Variants in BTNL8 observed in about 807,000 individuals in gnomAD.
The protein encoded by BTNL8 is butyrophilin-like protein 8.
A neutral mutation model predicts 36.1 loss-of-function variants in BTNL8; 22 were observed. That is an observed-to-expected ratio of 0.61 (90% CI 0.44 to 0.87). BTNL8 has a LOEUF of 0.87. Among genes scored for constraint, BTNL8 ranks in the 40% least tolerant of loss-of-function variants. The pLI, the probability that BTNL8 is intolerant of heterozygous loss-of-function variation, is 0.00. For missense variants in BTNL8, 526 were observed against 616.9 expected (o/e 0.85, Z 1.56); for synonymous variants, 203 against 235.6 (o/e 0.86, Z 1.27).
rs892249541 is a variant in BTNL8, at chr5:180,950,664, G to A, written c.*120G>A. The A allele has an allele frequency of 1.9e-6, 2 of 1,046,150 alleles. No homozygotes were observed. The highest frequency in any genetic ancestry group is 2.7e-6 in the Non-Finnish European group (2 of 735,584). 64.8% of individuals were successfully genotyped at this position (1,046,150 alleles called of 1,614,324 possible). A position where few individuals can be genotyped will look rare whatever the true frequency, so the allele number is the denominator to read the frequency against. On this transcript the variant is annotated 3_prime_UTR_variant, in exon 8 of 8. Transcript: ENST00000340184. Reference sequence around the variant, plus strand: ...AAGGGGGACTGGCCTGTCCACATGGGAGTCAGGTGTCATGGCTGCCCTGAG... The same window carrying A: ...AAGGGGGACTGGCCTGTCCACATGGAAGTCAGGTGTCATGGCTGCCCTGAG...
chr5:180,901,497 G>A (rs1756820734), intron 1 of BTNL8, among the ~76,000 whole-genome samples: 1 of 152,170 alleles, frequency 6.6e-6, no homozygotes, highest in African/African-American at 2.4e-5. Context: ...TTAAACAGAT[G>A]AGCAAGTAAG....
At chr5:180,901,869 G>A (rs188591660) in intron 1 of BTNL8, among the ~76,000 whole-genome samples, 11 of 152,268 alleles carry the variant, frequency 7.2e-5, no homozygotes, top group African/African-American at 1.7e-4. Flanking sequence ...TAAGTCACAC[G>A]TGAACGTGCT....
intron 3 of BTNL8, among the ~76,000 whole-genome samples, chr5:180,926,358 C>T (rs370768578): frequency 2.7e-4 from 41 of 152,326 alleles, no homozygotes; most frequent in East Asian, 2.1e-3. Context: ...TGGGTGCCTA[C>T]ACCACCCGGG....
chr5:180,928,241 A>T (rs761262078), intron 3 of BTNL8, among the ~76,000 whole-genome samples: 1 of 152,224 alleles, frequency 6.6e-6, no homozygotes, highest in Non-Finnish European at 1.5e-5. Flanking sequence ...ACTAAGCTTC[A>T]TAAGTGAAGG....
intron 1 of BTNL8, among the ~76,000 whole-genome samples, chr5:180,901,603 A>C (rs1756824012): frequency 1.3e-5 from 2 of 152,236 alleles, no homozygotes. Context: ...GCTGAGCAAG[A>C]AAATCAGGCC....
chr5:180,932,662 AT>A (rs1758451705), intron 3 of BTNL8, among the ~76,000 whole-genome samples: 1 of 152,172 alleles, frequency 6.6e-6, no homozygotes, highest in Non-Finnish European at 1.5e-5. Context: ...TTTAAGTATA[AT>A]TTTTAAAAAG....
At chr5:180,947,376 C>A (rs144701040) in intron 3 of BTNL8, 136 bp from the exon 4 acceptor site, 2 of 1,197,376 alleles carry the variant, frequency 1.7e-6, no homozygotes, top group Non-Finnish European at 1.2e-6. Context: ...AAAGTACAAT[C>A]AAAGTATTAA....
chr5:180,908,441 T>C, intron 1 of BTNL8, 145 bp from the exon 2 acceptor site: 1 of 783,470 alleles, frequency 1.3e-6, no homozygotes, highest in Non-Finnish European at 2.0e-6. Context: ...ACCCGGTACC[T>C]CAGATGGAAA....
intron 3 of BTNL8, among the ~76,000 whole-genome samples, chr5:180,922,453 A>T (rs1311579746): frequency 6.6e-6 from 1 of 151,484 alleles, no homozygotes; most frequent in Admixed American, 6.6e-5. Flanking sequence ...TTATTTACCC[A>T]AAAGTCATTC....
intron 1 of BTNL8, among the ~76,000 whole-genome samples, chr5:180,907,524 G>A (rs1396316720): frequency 3.4e-5 from 5 of 148,156 alleles, no homozygotes; most frequent in South Asian, 4.2e-4. Flanking sequence ...CTCTCAGCTC[G>A]TCAAAGTCAT....
At position 180,949,509 on chromosome 5, in the gene BTNL8, T is replaced by C; in HGVS notation, c.862+244T>C. On this transcript the variant is annotated intron_variant, in intron 7 of 7. Coordinates refer to ENST00000340184, the MANE Select transcript of BTNL8 (RefSeq NM_001040462.3). ...GGAGACGGGGGGGTCTTTGGCACAG[T>C]TTCAGGGAATTGAGGGCACTAGTGA... The C allele has an allele frequency of 6.4e-6, 4 of 627,328 alleles. 1 individual carries two copies. Among genetic ancestry groups the C allele is most frequent in the Non-Finnish European group, 1.0e-5 (4 of 384,802 alleles). 38.9% of individuals were successfully genotyped at this position (627,328 alleles called of 1,614,324 possible).
intron 1 of BTNL8, among the ~76,000 whole-genome samples, chr5:180,908,167 T>C (rs1008216534): frequency 7.2e-5 from 11 of 152,276 alleles, no homozygotes; most frequent in South Asian, 6.2e-4. Flanking sequence ...AGCGAGACTC[T>C]GTGGTCATAG....
intron 3 of BTNL8, among the ~76,000 whole-genome samples, chr5:180,918,686 C>G (rs1757747735): frequency 6.6e-6 from 1 of 152,144 alleles, no homozygotes; most frequent in Non-Finnish European, 1.5e-5. Flanking sequence ...TTTAAGGGGA[C>G]AGAAATTACA....
At chr5:180,945,818 T>A (rs1759207028) in intron 3 of BTNL8, 1 of 506,202 alleles carries the variant, frequency 2.0e-6, no homozygotes. Flanking sequence ...CTTGCTCTTG[T>A]CGAGTCTGAT....
chr5:180,909,122 A>G (rs1475199664), intron 2 of BTNL8, among the ~76,000 whole-genome samples, 189 bp downstream of exon 2: 1 of 152,172 alleles, frequency 6.6e-6, no homozygotes, highest in African/African-American at 2.4e-5. Flanking sequence ...TCAGGTAACC[A>G]CCATCACATC....
chr5:180,911,434 G>A lies in BTNL8; in HGVS notation c.493G>A (p.Ala165Thr). The A allele has an allele frequency of 6.2e-7, 1 of 1,614,242 alleles. No individual in the cohort carries two copies. The highest frequency in any genetic ancestry group is 8.5e-7 in the Non-Finnish European group (1 of 1,180,050). ...QSSGWFPRPT[A>T]KWKGPQGQDL... ...CTCGGGCTGGTTCCCCCGGCCCACA[G>A]CGAAGTGGAAAGGTCCACAAGGACA... Residue 165 changes from alanine (A) to threonine (T), a missense_variant, in exon 3 of 8, where the codon GCG becomes ACG. Transcript: ENST00000340184.
rs1193538932 is a variant in BTNL8 at position 180,903,279 on chromosome 5, G to A, written c.49+3920G>A. 4.2e-5 allele frequency among the ~76,000 whole-genome samples: 5 copies of A among 118,330 alleles called. 1 individual carries two copies. Among genetic ancestry groups the A allele is most frequent in the Non-Finnish European group, 6.7e-5 (4 of 59,756 alleles). The allele number at this position is 118,330 out of a possible 152,430, so 77.6% of individuals were successfully genotyped here. A position where few individuals can be genotyped will look rare whatever the true frequency, so the allele number is the denominator to read the frequency against. ...TTGCATTTCTCTGATGGCCAGTGAT[G>A]ATGAACATTTTTTCATGTGTTTTTT... On this transcript the variant is annotated intron_variant, in intron 1 of 7. Coordinates refer to ENST00000340184, the MANE Select transcript of BTNL8 (RefSeq NM_001040462.3).
At chr5:180,907,988 C>T (rs1313947830) in intron 1 of BTNL8, among the ~76,000 whole-genome samples, 1 of 152,120 alleles carries the variant, frequency 6.6e-6, no homozygotes, top group Non-Finnish European at 1.5e-5. Flanking sequence ...CTGTGCCCTG[C>T]CCCCAGAGGT....
chr5:180,900,937 A>G (rs564887725), intron 1 of BTNL8, among the ~76,000 whole-genome samples: 41 of 152,336 alleles, frequency 2.7e-4, no homozygotes, highest in Admixed American at 2.5e-3. Context: ...GCCTTGTGCC[A>G]GGGCTAAGTA....
Sources: allele counts gnomAD v4.1 joint callset (sites outside exome capture counted in the v4.1 genomes callset), GRCh38; gene constraint gnomAD v4.1.1; transcripts MANE v1.5; gene names NCBI Gene and HGNC (gene_info 2026-07-23, HGNC 2026-07-21).